The following PIKFYVE variants were observed in gnomAD, a reference collection of about 807,000 sequenced individuals.
The protein encoded by PIKFYVE is phosphoinositide kinase, FYVE-type zinc finger containing.
PIKFYVE carries 122 observed loss-of-function variants against 257.9 expected under a neutral mutation model. That is an observed-to-expected ratio of 0.47 (90% CI 0.41 to 0.55). PIKFYVE has a LOEUF of 0.55. Among genes scored for constraint, PIKFYVE ranks in the 20% least tolerant of loss-of-function variants. PIKFYVE has a pLI of 0.00. For missense variants in PIKFYVE, 2,160 were observed against 2,536.6 expected (o/e 0.85, Z 3.19); for synonymous variants, 892 against 868.9 (o/e 1.03, Z -0.47).
chr2:208,350,346 C>G (rs1042087238), intron 36 of PIKFYVE, among the ~76,000 whole-genome samples: 12 of 151,986 alleles, frequency 7.9e-5, no homozygotes, highest in African/African-American at 2.7e-4. Context: ...ATTATGTAAT[C>G]TAGAGCCACA....
chr2:208,336,857 C>G lies in PIKFYVE; in HGVS notation c.4540C>G (p.Gln1514Glu). Reference sequence around the variant, plus strand: ...CCACAGGTTGCAGGACCTTTTCCAACAGGAAAAGGGTAGAAAGAGACCTTC... The same window carrying G: ...CCACAGGTTGCAGGACCTTTTCCAAGAGGAAAAGGGTAGAAAGAGACCTTC... Reference protein sequence around the residue: ...WNNRLQDLFQQEKGRKRPSVP... With the variant: ...WNNRLQDLFQEEKGRKRPSVP... The change falls in exon 28 of 42, where the codon CAG becomes GAG. Residue 1514 changes from glutamine (Q) to glutamate (E), a missense_variant. Physicochemically the swap from Gln to Glu is conservative, Grantham distance 29 (BLOSUM62 2). This residue lies in a region of PIKFYVE where 699 missense variants were observed against 855.8 expected (regional missense o/e 0.82). Transcript: ENST00000264380. 1.2e-6 allele frequency: 2 copies of G among 1,612,546 alleles called. No individual in the cohort carries two copies.
intron 16 of PIKFYVE, 129 bp downstream of exon 16, chr2:208,318,070 G>A: frequency 1.1e-6 from 1 of 951,708 alleles, no homozygotes; most frequent in East Asian, 2.5e-5. Context: ...CTGCCATAGG[G>A]GTGAAATTTG....
chr2:208,300,826 A>G (rs1232715465), intron 8 of PIKFYVE, 111 bp from the exon 9 acceptor site: 7 of 1,368,162 alleles, frequency 5.1e-6, no homozygotes, highest in Non-Finnish European at 7.2e-6. Context: ...GCTACCATAA[A>G]GAAATCCAAG....
chr2:208,326,489 A>G, intron 20 of PIKFYVE, 60 bp downstream of exon 20: 1 of 1,547,530 alleles, frequency 6.5e-7, no homozygotes, highest in Non-Finnish European at 8.9e-7. Context: ...TGACTCCTCA[A>G]AGGCAGGCTA....
At chr2:208,280,086 CAG>C (rs1690610086) in intron 5 of PIKFYVE, among the ~76,000 whole-genome samples, 4 of 152,112 alleles carry the variant, frequency 2.6e-5, no homozygotes, top group Admixed American at 2.6e-4. Flanking sequence ...TTGATCATGT[CAG>C]GGTATTTTCC....
intron 12 of PIKFYVE, among the ~76,000 whole-genome samples, chr2:208,306,887 C>T (rs1694391508): frequency 1.3e-5 from 2 of 151,868 alleles, no homozygotes; most frequent in African/African-American, 2.4e-5. Flanking sequence ...AAGTGATTCT[C>T]CCACCTCAGC....
At chr2:208,330,374 C>A in intron 22 of PIKFYVE, 149 bp from the exon 23 acceptor site, 1 of 880,972 alleles carries the variant, frequency 1.1e-6, no homozygotes, top group Non-Finnish European at 1.8e-6. Context: ...AAACTATCAC[C>A]GTGCTGTAGC....
chr2:208,269,990 G>A (rs2124964702), intron 1 of PIKFYVE: 1 of 202,350 alleles, frequency 4.9e-6, no homozygotes, highest in East Asian at 1.3e-4. Flanking sequence ...GTGTGCGGAT[G>A]GGGGCACCCA....
In PIKFYVE at chr2:208,341,577, A is replaced by G. The variant is rs548050702; in HGVS notation, c.4932-977A>G. 8.5e-5 allele frequency among the ~76,000 whole-genome samples: 13 copies of G among 152,240 alleles called. No homozygotes were observed. The East Asian group carries it at 2.5e-3, about 29-fold the overall frequency. On this transcript the variant is annotated intron_variant, in intron 31 of 41. Transcript: ENST00000264380. ...AATTCTTACAGTCCTGGAGGCTAGAAGTCTGAGATGAGGGTGCCAGCATGG... is the reference window on the plus strand; with the variant it reads ...AATTCTTACAGTCCTGGAGGCTAGAGGTCTGAGATGAGGGTGCCAGCATGG...
intron 34 of PIKFYVE, among the ~76,000 whole-genome samples, chr2:208,347,049 TC>T (rs1699299888): frequency 1.3e-5 from 2 of 152,280 alleles, no homozygotes; most frequent in South Asian, 4.2e-4. Flanking sequence ...GTTATACAAA[TC>T]ATGATCCTTT....
At chr2:208,322,840 TC>T (rs1194387213) in intron 17 of PIKFYVE, among the ~76,000 whole-genome samples, 14 of 101,536 alleles carry the variant, frequency 1.4e-4, no homozygotes, top group Non-Finnish European at 2.7e-4. Flanking sequence ...ATGCTATCCC[TC>T]CCCCCTCCCC....
rs1289877316 is a variant in PIKFYVE, at chr2:208,325,053, C to T, written c.2458+16C>T. 1 of 1,613,838 alleles carries T rather than the reference C, an allele frequency of 6.2e-7. No individual in the cohort carries two copies. The highest frequency in any genetic ancestry group is 1.7e-5 in the Admixed American group (1 of 60,000). On this transcript the variant is annotated intron_variant, in intron 19 of 41. Transcript: ENST00000264380. ...TTGCCTAATGGTGAGTGATCTTTAG[C>T]ATAGATTGACCTGAGGAAAAGAGTT...
At chr2:208,352,869 T>A (rs999378448) in intron 39 of PIKFYVE, 87 bp downstream of exon 39, 29 of 1,483,512 alleles carry the variant, frequency 2.0e-5, no homozygotes, top group Middle Eastern at 1.7e-4. Flanking sequence ...GAGAGTAACA[T>A]CTTATTTTAT....
Position 208,320,233 on chromosome 2 carries a change from A to T in PIKFYVE, c.2083-19A>T, listed in dbSNP as rs921645823. The T allele has an allele frequency of 1.9e-6, 3 of 1,608,832 alleles. No individual in the cohort carries two copies. The African/African-American group carries it at 4.0e-5, about 22-fold the overall frequency. ...ATGCAAACCTTTAAACACTTTAACA[A>T]ACTGTTCATTTTTTGTAGATGAGTT... On this transcript the variant is annotated intron_variant, in intron 16 of 41. Coordinates refer to ENST00000264380, the MANE Select transcript of PIKFYVE (RefSeq NM_015040.4).
intron 1 of PIKFYVE, among the ~76,000 whole-genome samples, chr2:208,267,758 C>T (rs1248171857): frequency 1.3e-5 from 2 of 152,176 alleles, no homozygotes; most frequent in Non-Finnish European, 2.9e-5. Flanking sequence ...TCACCCGCCT[C>T]GGCCTCCCAA....
At position 208,325,908 on chromosome 2, in the gene PIKFYVE, T is replaced by A. The variant is rs999890; in HGVS notation, c.3097T>A (p.Ser1033Thr). ...TGLYVTEEVT[S>T]SEDKRKTYSL... ...ATTATATGTTACTGAGGAAGTCACC[T>A]CCTCTGAAGATAAACGAAAGACTTA... Residue 1033 changes from serine (S) to threonine (T), a missense_variant, in exon 20 of 42, where the codon TCC becomes ACC. Physicochemically the swap from Ser to Thr is moderately conservative, Grantham distance 58. This residue lies in a region of PIKFYVE where 522 missense variants were observed against 514.6 expected (regional missense o/e 1.01). Coordinates refer to ENST00000264380, the MANE Select transcript of PIKFYVE (RefSeq NM_015040.4). 3.7e-6 allele frequency: 6 copies of A among 1,613,864 alleles called. No homozygotes were observed. The highest frequency in any genetic ancestry group is 1.1e-5 in the South Asian group (1 of 91,064).
intron 41 of PIKFYVE, 50 bp from the exon 42 acceptor site, chr2:208,355,136 TGCCC>T: frequency 2.2e-6 from 3 of 1,361,214 alleles, no homozygotes; most frequent in Non-Finnish European, 2.1e-6. Context: ...TGACTTCAGT[TGCCC>T]AATCAATTAT....
intron 30 of PIKFYVE, 135 bp from the exon 31 acceptor site, chr2:208,339,876 G>T: frequency 9.2e-7 from 1 of 1,090,426 alleles, no homozygotes; most frequent in Non-Finnish European, 1.3e-6. Context: ...CTTTTCCCTT[G>T]ATCAGAAATT....
At chr2:208,322,707 T>C (rs1425008328) in intron 17 of PIKFYVE, among the ~76,000 whole-genome samples, 1 of 151,050 alleles carries the variant, frequency 6.6e-6, no homozygotes, top group African/African-American at 2.4e-5. Context: ...ATATATTTTT[T>C]TTATTACACT....
Sources: gnomAD v4.1 joint callset for allele counts (sites outside exome capture counted in the v4.1 genomes callset) on GRCh38, gnomAD v4.1.1 for gene constraint, gnomAD v4.1.1 regional missense constraint, MANE v1.5 for transcripts, NCBI Gene and HGNC (gene_info 2026-07-23, HGNC 2026-07-21) for gene names.